EFL1: variants seen among roughly 807,000 people sequenced by gnomAD.
The protein encoded by EFL1 is elongation factor-like GTPase 1.
Under a neutral mutation model 126.7 loss-of-function variants are expected in EFL1, and 76 were observed. The ratio of observed to expected loss-of-function variants is 0.60; its 90% CI spans 0.50 to 0.73. The LOEUF (loss-of-function observed/expected upper bound fraction) is 0.73, where lower values mean the gene tolerates loss of function less well. Ranked by LOEUF, EFL1 falls within the 30% of genes least tolerant of loss-of-function variation. EFL1 has a pLI of 0.00. For missense variants in EFL1, 1,128 were observed against 1,343.2 expected (o/e 0.84, Z 2.50); for synonymous variants, 410 against 448.4 (o/e 0.91, Z 1.08).
chr15:82,184,590 T>A (rs1261132973), intron 15 of EFL1, among the ~76,000 whole-genome samples: 2 of 152,154 alleles, frequency 1.3e-5, no homozygotes, highest in African/African-American at 4.8e-5. Flanking sequence ...ACCACAAAAG[T>A]AAACTAAAAG....
intron 14 of EFL1, among the ~76,000 whole-genome samples, chr15:82,219,258 C>T (rs1253602397): frequency 1.3e-5 from 2 of 152,180 alleles, no homozygotes; most frequent in Non-Finnish European, 2.9e-5. Flanking sequence ...TCCTGCCTAT[C>T]CCCTGCTCAC....
intron 19 of EFL1, among the ~76,000 whole-genome samples, chr15:82,132,345 C>T (rs1397864622): frequency 3.9e-5 from 6 of 152,030 alleles, no homozygotes; most frequent in African/African-American, 1.4e-4. Flanking sequence ...TGAAGTCCTT[C>T]AGAGTGCTAA....
intron 19 of EFL1, among the ~76,000 whole-genome samples, chr15:82,132,706 T>G (rs1012073239): frequency 9.7e-3 from 826 of 85,406 alleles, no homozygotes; most frequent in South Asian, 0.016. Context: ...GTAGGCAGAG[T>G]GGCAGACAAG....
At chr15:82,237,283 T>C (rs1858499893) in intron 7 of EFL1, among the ~76,000 whole-genome samples, 2 of 152,078 alleles carry the variant, frequency 1.3e-5, no homozygotes, top group South Asian at 4.1e-4. Context: ...AGGACTACTG[T>C]TTAGAATAGA....
chr15:82,209,298 G>T (rs1157098273), intron 15 of EFL1, among the ~76,000 whole-genome samples: 1 of 135,760 alleles, frequency 7.4e-6, no homozygotes, highest in African/African-American at 2.8e-5. Flanking sequence ...CATGACTAAG[G>T]ATTCACACAC....
chr15:82,181,648 A>G (rs868854045), intron 15 of EFL1, among the ~76,000 whole-genome samples: 116 of 105,932 alleles, frequency 1.1e-3, no homozygotes, highest in Admixed American at 3.7e-3. Flanking sequence ...GTGTGTGTAT[A>G]TATATATATG....
At chr15:82,144,247 C>T (rs937799116) in intron 18 of EFL1, among the ~76,000 whole-genome samples, 1 of 116,954 alleles carries the variant, frequency 8.6e-6, no homozygotes, top group Non-Finnish European at 1.8e-5. Flanking sequence ...CAGAGTGAGA[C>T]CCTGTCTCCA....
At chr15:82,223,374 T>C (rs1415393594) in intron 12 of EFL1, among the ~76,000 whole-genome samples, 2 of 152,130 alleles carry the variant, frequency 1.3e-5, no homozygotes, top group Admixed American at 6.6e-5. Context: ...GAACCTGATA[T>C]ACTGGTTAAA....
rs577335065 is a variant in EFL1, at chr15:82,247,673, AG to A, written c.244+5017del. The stretch of plus-strand genomic sequence containing the variant: ...TGTCATCAGAAGACAGCCAGGCAGA[AG>A]GGGGAAACGTCAATAAAAAGACATT... On this transcript the variant is annotated intron_variant, in intron 4 of 19. Transcript: ENST00000268206. 1.4e-3 allele frequency among the ~76,000 whole-genome samples: 219 copies of A among 152,226 alleles called. 3 individuals are homozygous for A. The highest frequency in any genetic ancestry group is 2.2e-3 in the Non-Finnish European group (147 of 68,024).
intron 3 of EFL1, among the ~76,000 whole-genome samples, chr15:82,254,540 C>G (rs73436960): frequency 0.013 from 2,007 of 152,158 alleles, 43 homozygotes; most frequent in African/African-American, 0.046. Flanking sequence ...TGAATTTTAT[C>G]TTGATCATTT....
chr15:82,213,282 T>C (rs2074608459), intron 15 of EFL1, among the ~76,000 whole-genome samples: 1 of 152,218 alleles, frequency 6.6e-6, no homozygotes, highest in Admixed American at 6.5e-5. Flanking sequence ...TGCTACCATC[T>C]CACTTTTTTA....
chr15:82,213,955 CCATTAG>C (rs2074615853), intron 15 of EFL1, among the ~76,000 whole-genome samples: 1 of 152,140 alleles, frequency 6.6e-6, no homozygotes, highest in Non-Finnish European at 1.5e-5. Context: ...TCCAGACAAA[CCATTAG>C]CTATTCTGGA....
intron 19 of EFL1, among the ~76,000 whole-genome samples, chr15:82,134,122 T>C (rs1428479363): frequency 6.6e-6 from 1 of 152,222 alleles, no homozygotes; most frequent in Non-Finnish European, 1.5e-5. Context: ...CAATATCATA[T>C]GACTGTATGA....
chr15:82,146,455 G>A (rs149095761), intron 18 of EFL1, among the ~76,000 whole-genome samples: 7 of 152,072 alleles, frequency 4.6e-5, no homozygotes, highest in African/African-American at 1.4e-4. Flanking sequence ...GATTTAGAAA[G>A]AAAAAGGAAA....
chr15:82,145,973 G>C (rs913027537), intron 18 of EFL1, among the ~76,000 whole-genome samples: 1 of 150,216 alleles, frequency 6.7e-6, no homozygotes, highest in Non-Finnish European at 1.5e-5. Context: ...TAACAGATTA[G>C]AAGGAAAAAA....
chr15:82,208,573 C>G (rs2074549954), intron 15 of EFL1, among the ~76,000 whole-genome samples: 2 of 152,024 alleles, frequency 1.3e-5, no homozygotes, highest in African/African-American at 4.8e-5. Flanking sequence ...CAAGAAAAGT[C>G]TGGATAAAAT....
At chr15:82,215,875 G>A (rs1256828436) in intron 14 of EFL1, among the ~76,000 whole-genome samples, 1 of 152,076 alleles carries the variant, frequency 6.6e-6, no homozygotes, top group Non-Finnish European at 1.5e-5. Context: ...TATGTGTTCT[G>A]CTAAAATGAC....
chr15:82,149,814 G>GA (rs931319858), intron 18 of EFL1, among the ~76,000 whole-genome samples: 1 of 152,090 alleles, frequency 6.6e-6, no homozygotes, highest in Non-Finnish European at 1.5e-5. Flanking sequence ...GCTCAATATA[G>GA]AAAAAAACAC....
At chr15:82,134,764 C>T (rs2073702690) in intron 19 of EFL1, among the ~76,000 whole-genome samples, 1 of 152,162 alleles carries the variant, frequency 6.6e-6, no homozygotes, top group Admixed American at 6.5e-5. Context: ...TTTTTTCTTT[C>T]TGTGTCTGTT....
Sources: allele counts gnomAD v4.1 joint callset (sites outside exome capture counted in the v4.1 genomes callset), GRCh38; gene constraint gnomAD v4.1.1; transcripts MANE v1.5; gene names NCBI Gene and HGNC (gene_info 2026-07-23, HGNC 2026-07-21).